IL1RAPL2: variants seen among roughly 807,000 people sequenced by gnomAD.
The protein encoded by IL1RAPL2 is X-linked interleukin-1 receptor accessory protein-like 2.
A neutral mutation model predicts 44.1 loss-of-function variants in IL1RAPL2; 3 were observed. That is an observed-to-expected ratio of 0.07 (90% CI 0.03 to 0.18). The LOEUF (loss-of-function observed/expected upper bound fraction) is 0.18, where lower values mean the gene tolerates loss of function less well. Ranked by LOEUF, IL1RAPL2 falls within the 10% of genes least tolerant of loss-of-function variation. The pLI, the probability that IL1RAPL2 is intolerant of heterozygous loss-of-function variation, is 1.00. For missense variants in IL1RAPL2, 391 were observed against 496.4 expected (o/e 0.79, Z 2.02); for synonymous variants, 181 against 178.8 (o/e 1.01, Z -0.10).
intron 2 of IL1RAPL2, among the ~76,000 whole-genome samples, chrX:104,667,671 C>T (rs1215355031): frequency 1.8e-5 from 2 of 111,394 alleles, no homozygotes; most frequent in Non-Finnish European, 3.8e-5. Context: ...TTTGTGTGGA[C>T]ATCATTAGCC....
intron 6 of IL1RAPL2, among the ~76,000 whole-genome samples, chrX:105,606,154 A>G (rs1448361958): frequency 8.9e-6 from 1 of 111,886 alleles, no homozygotes; most frequent in Non-Finnish European, 1.9e-5. Flanking sequence ...TTTGCACACC[A>G]TTAACCTGAC....
intron 6 of IL1RAPL2, among the ~76,000 whole-genome samples, chrX:105,584,172 T>G (rs1432799838): frequency 8.9e-6 from 1 of 111,905 alleles, no homozygotes; most frequent in Non-Finnish European, 1.9e-5. Flanking sequence ...TTTTGTCTAC[T>G]TGTTCTATTA....
At chrX:105,078,413 C>T (rs1432743942) in intron 2 of IL1RAPL2, among the ~76,000 whole-genome samples, 1 of 110,634 alleles carries the variant, frequency 9.0e-6, no homozygotes, top group Non-Finnish European at 1.9e-5. Context: ...CAGAGGAGTA[C>T]CCGGGAGTGT....
intron 6 of IL1RAPL2, among the ~76,000 whole-genome samples, chrX:105,587,602 C>T (rs1264805056): frequency 8.9e-6 from 1 of 111,827 alleles, no homozygotes; most frequent in Non-Finnish European, 1.9e-5. Flanking sequence ...GTAATACAAG[C>T]ACTTACACTA....
chrX:105,059,962 A>G (rs1189225610), intron 2 of IL1RAPL2, among the ~76,000 whole-genome samples: 1 of 112,245 alleles, frequency 8.9e-6, no homozygotes, highest in African/African-American at 3.2e-5. Context: ...TCTTTTGGGT[A>G]TACCTAACAA....
intron 6 of IL1RAPL2, among the ~76,000 whole-genome samples, chrX:105,611,425 T>C (rs1353682341): frequency 2.7e-5 from 3 of 111,985 alleles, no homozygotes; most frequent in Non-Finnish European, 5.6e-5. Flanking sequence ...CAAGACAACT[T>C]GCTCTATTTA....
chrX:104,947,804 G>C (rs1318887949), intron 2 of IL1RAPL2, among the ~76,000 whole-genome samples: 1 of 112,278 alleles, frequency 8.9e-6, no homozygotes, highest in African/African-American at 3.2e-5. Context: ...GTACCATGCT[G>C]TTTTGGTTAC....
chrX:104,744,297 A>G (rs1444004783), intron 2 of IL1RAPL2, among the ~76,000 whole-genome samples: 1 of 111,406 alleles, frequency 9.0e-6, no homozygotes, highest in Non-Finnish European at 1.9e-5. Flanking sequence ...TTATGAAAAT[A>G]TTTTCTTTAG....
chrX:105,507,459 G>T (rs1394254553), intron 6 of IL1RAPL2, among the ~76,000 whole-genome samples: 2 of 111,371 alleles, frequency 1.8e-5, no homozygotes, highest in African/African-American at 6.5e-5. Flanking sequence ...GGATAAATCT[G>T]TCTTATTACT....
intron 1 of IL1RAPL2, among the ~76,000 whole-genome samples, chrX:104,642,834 T>A (rs1273082213): frequency 8.9e-6 from 1 of 111,832 alleles, no homozygotes; most frequent in Non-Finnish European, 1.9e-5. Flanking sequence ...ATTTTGTTTT[T>A]GCCTGAAATT....
chrX:105,687,067 T>C (rs1241950729), intron 6 of IL1RAPL2, among the ~76,000 whole-genome samples: 2 of 111,818 alleles, frequency 1.8e-5, no homozygotes, highest in Non-Finnish European at 3.8e-5. Context: ...GGGACACATT[T>C]AAAGCAGTAT....
chrX:105,745,027 G>C (rs943788149), intron 8 of IL1RAPL2, among the ~76,000 whole-genome samples: 5 of 111,127 alleles, frequency 4.5e-5, no homozygotes, highest in African/African-American at 1.6e-4. Context: ...CTTAGACTGG[G>C]TAATTTTTAA....
intron 2 of IL1RAPL2, among the ~76,000 whole-genome samples, chrX:104,779,322 C>G (rs1316655569): frequency 1.8e-5 from 2 of 112,288 alleles, no homozygotes; most frequent in African/African-American, 6.5e-5. Flanking sequence ...AGTGCAGCAT[C>G]TCCACACTGA....
At chrX:105,116,073 C>A (rs1483651385) in intron 2 of IL1RAPL2, among the ~76,000 whole-genome samples, 1 of 103,771 alleles carries the variant, frequency 9.6e-6, no homozygotes, top group Admixed American at 1.0e-4. Flanking sequence ...AGCCCTGGTT[C>A]CCGCCTGCGC....
In IL1RAPL2 at chrX:104,900,862, G is replaced by T. The variant is rs192543725; in HGVS notation, c.82+241867G>T. Among the ~76,000 whole-genome samples, 1,091 of 111,981 alleles carry T rather than the reference G, an allele frequency of 9.7e-3. 5 individuals are homozygous for T. The highest frequency in any genetic ancestry group is 0.016 in the Non-Finnish European group (838 of 53,234). On this transcript the variant is annotated intron_variant, in intron 2 of 10. Transcript: ENST00000372582. ...GGAGCTACAAAGACCTATGGCAAAG[G>T]TCATGAATTTAGGGAGAGACGAAGG...
At chrX:104,788,870 G>A (rs1347190639) in intron 2 of IL1RAPL2, among the ~76,000 whole-genome samples, 1 of 111,822 alleles carries the variant, frequency 8.9e-6, no homozygotes, top group East Asian at 2.8e-4. Context: ...TTTGATTTCT[G>A]GCTCTTGATT....
At chrX:105,121,888 T>C (rs1005574862) in intron 2 of IL1RAPL2, among the ~76,000 whole-genome samples, 1 of 111,358 alleles carries the variant, frequency 9.0e-6, no homozygotes, top group African/African-American at 3.3e-5. Flanking sequence ...TTACTTCCCT[T>C]GTGTATGCCT....
intron 2 of IL1RAPL2, among the ~76,000 whole-genome samples, chrX:104,820,109 T>C (rs1442431236): frequency 2.7e-5 from 3 of 111,886 alleles, no homozygotes; most frequent in African/African-American, 9.8e-5. Context: ...TGGAATGTGC[T>C]TTAAAATTTT....
chrX:104,689,567 A>T (rs965893415), intron 2 of IL1RAPL2, among the ~76,000 whole-genome samples: 2 of 111,983 alleles, frequency 1.8e-5, no homozygotes, highest in Non-Finnish European at 3.8e-5. Flanking sequence ...TATTAGTGTC[A>T]GTTACTTGTC....
Sources: gnomAD v4.1 joint callset for allele counts (sites outside exome capture counted in the v4.1 genomes callset) on GRCh38, gnomAD v4.1.1 for gene constraint, MANE v1.5 for transcripts, NCBI Gene and HGNC (gene_info 2026-07-23, HGNC 2026-07-21) for gene names.